The following HOOK1 variants were observed in gnomAD, a reference collection of about 807,000 sequenced individuals.
The protein encoded by HOOK1 is hook microtubule tethering protein 1.
Under a neutral mutation model 112.8 loss-of-function variants are expected in HOOK1, and 60 were observed. That is an observed-to-expected ratio of 0.53 (90% CI 0.43 to 0.66). The LOEUF is 0.66. Among genes scored for constraint, HOOK1 ranks in the 30% least tolerant of loss-of-function variants. The pLI is 0.00. For missense variants in HOOK1, 770 were observed against 856.0 expected, an observed-to-expected ratio of 0.90 and a Z score of 1.25; for synonymous variants, 294 against 283.8, an observed-to-expected ratio of 1.04 and a Z score of -0.36.
chr1:59,825,260 T>C (rs1466925890), intron 2 of HOOK1, among the ~76,000 whole-genome samples: 1 of 152,242 alleles, frequency 6.6e-6, no homozygotes, highest in Non-Finnish European at 1.5e-5. Flanking sequence ...TCTTTTTTGA[T>C]AGTACAGAAC....
intron 11 of HOOK1, among the ~76,000 whole-genome samples, chr1:59,848,781 G>C (rs2102045069): frequency 6.6e-6 from 1 of 151,494 alleles, no homozygotes; most frequent in East Asian, 1.9e-4. Context: ...GGTAAGCAGG[G>C]TTAATGCCTT....
chr1:59,846,861 T>C (rs1438429393), intron 9 of HOOK1, among the ~76,000 whole-genome samples, 184 bp from the exon 10 acceptor site: 6 of 151,590 alleles, frequency 4.0e-5, no homozygotes. Context: ...TAACCTTTAT[T>C]ATTAGAGAAC....
chr1:59,867,477 T>A (rs1173650712), intron 19 of HOOK1, among the ~76,000 whole-genome samples: 1 of 152,204 alleles, frequency 6.6e-6, no homozygotes, highest in Non-Finnish European at 1.5e-5. Flanking sequence ...CCTCTATAAA[T>A]GTAGATGAAG....
chr1:59,863,874 G>C (rs1384559382), intron 16 of HOOK1: 1 of 921,536 alleles, frequency 1.1e-6, no homozygotes, highest in Non-Finnish European at 1.3e-6. Context: ...ATACGGTATT[G>C]TAACTTCTCT....
At chr1:59,828,260 T>C (rs1311531967) in intron 2 of HOOK1, among the ~76,000 whole-genome samples, 1 of 152,208 alleles carries the variant, frequency 6.6e-6, no homozygotes, top group Non-Finnish European at 1.5e-5. Context: ...AAACTAAACT[T>C]GTCTTTGTAG....
chr1:59,860,211 A>G lies in HOOK1; in HGVS notation c.1415A>G (p.His472Arg). 1 of 1,603,620 alleles carries G rather than the reference A, an allele frequency of 6.2e-7. No homozygotes were observed. The highest frequency in any genetic ancestry group is 1.1e-5 in the South Asian group (1 of 88,464). The stretch of plus-strand genomic sequence containing the variant: ...AGGGAGGTGTTTATTCGACTGCAAC[A>G]TGAAAATAAGATGCTTCGCTTACAG... Reference protein sequence around the residue: ...EYREVFIRLQHENKMLRLQQE... With the variant: ...EYREVFIRLQRENKMLRLQQE... Residue 472 changes from histidine (H) to arginine (R), a missense_variant, in exon 15 of 22, where the codon CAT (histidine) becomes CGT (arginine). Physicochemically the swap from His to Arg is conservative, Grantham distance 29 (BLOSUM62 0). Around this residue, in one of 3 missense-constraint regions of HOOK1, gnomAD observed 655 missense variants for 725.9 expected, o/e 0.90. Transcript: ENST00000371208.
At chr1:59,831,209 G>A (rs1243777761) in intron 3 of HOOK1, among the ~76,000 whole-genome samples, 1 of 152,062 alleles carries the variant, frequency 6.6e-6, no homozygotes, top group East Asian at 1.9e-4. Context: ...CTTGCAAGCA[G>A]TTAAGGTACT....
chr1:59,858,537 A>G (rs1017325146), intron 13 of HOOK1, 22 bp downstream of exon 13: 4 of 1,538,076 alleles, frequency 2.6e-6, no homozygotes, highest in Non-Finnish European at 3.6e-6. Context: ...TAGATTTAGA[A>G]AAGTTTCAGC....
intron 2 of HOOK1, among the ~76,000 whole-genome samples, chr1:59,823,121 C>A (rs770629397): frequency 3.3e-5 from 5 of 152,166 alleles, no homozygotes; most frequent in African/African-American, 1.2e-4. Context: ...CAGATCGAGA[C>A]CATCCTGGCT....
chr1:59,863,077 T>C (rs1051020317), intron 16 of HOOK1, among the ~76,000 whole-genome samples, 200 bp downstream of exon 16: 20 of 152,136 alleles, frequency 1.3e-4, no homozygotes, highest in African/African-American at 4.6e-4. Context: ...TGGAAGGTGA[T>C]TTCTGTCTGT....
chr1:59,854,777 T>C (rs1213824590), intron 12 of HOOK1, among the ~76,000 whole-genome samples: 1 of 152,152 alleles, frequency 6.6e-6, no homozygotes, highest in African/African-American at 2.4e-5. Flanking sequence ...GTGGATCCTT[T>C]TTAGTTTATT....
intron 12 of HOOK1, among the ~76,000 whole-genome samples, chr1:59,852,810 A>G (rs1338489608): frequency 6.6e-6 from 1 of 151,594 alleles, no homozygotes; most frequent in Non-Finnish European, 1.5e-5. Context: ...TTATTTTGCT[A>G]CATCCTGTGT....
intron 13 of HOOK1, 125 bp downstream of exon 13, chr1:59,858,640 G>A: frequency 1.5e-6 from 1 of 682,676 alleles, no homozygotes; most frequent in Admixed American, 2.4e-5. Flanking sequence ...GGGAGGCTGA[G>A]GCGGGAGGAT....
chr1:59,832,950 G>T lies in HOOK1; in HGVS notation c.274-455G>T, dbSNP rs372335296. 6.8e-4 allele frequency among the ~76,000 whole-genome samples: 104 copies of T among 152,072 alleles called. No homozygotes were observed. The South Asian group carries it at 0.011, about 16-fold the overall frequency. On this transcript the variant is annotated intron_variant, in intron 4 of 21. Coordinates refer to ENST00000371208, the MANE Select transcript of HOOK1 (RefSeq NM_015888.6). ...TCAGCTAAAAAATAAGAAAAAGAAA[G>T]ATAAGACCAGGAAAAAAAATTAATC...
intron 2 of HOOK1, 123 bp downstream of exon 2, chr1:59,822,066 A>T: frequency 1.3e-6 from 1 of 742,438 alleles, no homozygotes; most frequent in Non-Finnish European, 2.3e-6. Flanking sequence ...ATATTCAGGA[A>T]TATGGCACCA....
At chr1:59,846,609 C>CCTCCTCCCTCCCT (rs2098404182) in intron 9 of HOOK1, among the ~76,000 whole-genome samples, 1 of 132,540 alleles carries the variant, frequency 7.5e-6, no homozygotes, top group Non-Finnish European at 1.6e-5. Flanking sequence ...TCCCTCCCTC[C>CCTCCTCCCTCCCT]CTCTCTCTCT....
intron 16 of HOOK1, chr1:59,863,871 A>G (rs574017184): frequency 5.4e-6 from 5 of 931,124 alleles, no homozygotes; most frequent in Non-Finnish European, 6.4e-6. Flanking sequence ...TATATACGGT[A>G]TTGTAACTTC....
Position 59,840,391 on chromosome 1 carries a change from G to C in HOOK1, c.621G>C (p.Gln207His). ...AAAGATGTGAAGAATTGGATATGCAGGTACGGGAAAAAACCCTGAGCTGAG... is the reference window on the plus strand; with the variant it reads ...AAAGATGTGAAGAATTGGATATGCACGTACGGGAAAAAACCCTGAGCTGAG... Reference protein sequence around the residue: ...LRQRCEELDMQVTTLQDEKNS... With the variant: ...LRQRCEELDMHVTTLQDEKNS... Residue 207 changes from glutamine (Q) to histidine (H), a missense_variant and splice_region_variant, in exon 8 of 22, where the codon CAG (glutamine) becomes CAC (histidine). By Grantham distance (24) the Gln-to-His change is conservative (BLOSUM62 0). Coordinates refer to ENST00000371208, the MANE Select transcript of HOOK1 (RefSeq NM_015888.6). 1.3e-6 allele frequency: 2 copies of C among 1,555,806 alleles called. No homozygotes were observed. Among genetic ancestry groups the C allele is most frequent in the Non-Finnish European group, 1.7e-6 (2 of 1,154,016 alleles).
At chr1:59,848,613 T>C (rs1465066848) in intron 11 of HOOK1, 97 bp downstream of exon 11, 1 of 776,516 alleles carries the variant, frequency 1.3e-6, no homozygotes, top group Non-Finnish European at 2.1e-6. Flanking sequence ...TTGAGAAGCG[T>C]TGCATGTAAT....
Sources: allele counts gnomAD v4.1 joint callset (sites outside exome capture counted in the v4.1 genomes callset), GRCh38; gene constraint gnomAD v4.1.1; regional missense constraint gnomAD v4.1.1; transcripts MANE v1.5; gene names NCBI Gene and HGNC (gene_info 2026-07-23, HGNC 2026-07-21).